The following FBXL17 variants were observed in gnomAD, a reference collection of about 807,000 sequenced individuals.
FBXL17 encodes the protein F-box/LRR-repeat protein 17.
In FBXL17, 22 loss-of-function variants were observed where a neutral mutation model predicts 66.2. The observed-to-expected ratio is 0.33, with a 90% confidence interval of 0.24 to 0.47. The LOEUF (loss-of-function observed/expected upper bound fraction) is 0.47. FBXL17 is among the 20% of genes least tolerant of loss of function. FBXL17 has a pLI of 1.00. For synonymous variants in FBXL17, 474 were observed against 400.5 expected, an observed-to-expected ratio of 1.18 and a Z score of -2.19; for missense variants, 878 against 948.2, an observed-to-expected ratio of 0.93 and a Z score of 0.97.
chr5:108,312,854 T>C (rs1250876116), intron 4 of FBXL17, among the ~76,000 whole-genome samples: 1 of 152,136 alleles, frequency 6.6e-6, no homozygotes, highest in Non-Finnish European at 1.5e-5. Flanking sequence ...ATCAGCATAA[T>C]CATTTCAGCA....
intron 6 of FBXL17, among the ~76,000 whole-genome samples, chr5:108,075,545 T>C (rs1748510168): frequency 6.6e-6 from 1 of 152,176 alleles, no homozygotes; most frequent in South Asian, 2.1e-4. Flanking sequence ...GGCTTGATCT[T>C]GGCTCACTCA....
At chr5:107,960,294 C>T (rs1440916176) in intron 7 of FBXL17, among the ~76,000 whole-genome samples, 2 of 151,960 alleles carry the variant, frequency 1.3e-5, no homozygotes, top group Non-Finnish European at 2.9e-5. Flanking sequence ...GGAATAATAA[C>T]TTCATATATC....
At chr5:107,928,668 G>A (rs1750620832) in intron 7 of FBXL17, among the ~76,000 whole-genome samples, 1 of 152,076 alleles carries the variant, frequency 6.6e-6, no homozygotes, top group Non-Finnish European at 1.5e-5. Flanking sequence ...AGAGCTTGAT[G>A]AGAAAGAGGT....
intron 6 of FBXL17, among the ~76,000 whole-genome samples, chr5:108,024,475 T>C (rs1488962184): frequency 1.3e-5 from 2 of 152,154 alleles, no homozygotes; most frequent in East Asian, 3.8e-4. Context: ...GATAACTCCA[T>C]ATGAAAAAGT....
intron 5 of FBXL17, among the ~76,000 whole-genome samples, chr5:108,196,992 G>T (rs141752544): frequency 1.4e-3 from 210 of 152,248 alleles, no homozygotes; most frequent in African/African-American, 4.9e-3. Flanking sequence ...ATGTGAATTT[G>T]TTAATTGGAT....
intron 5 of FBXL17, among the ~76,000 whole-genome samples, chr5:108,194,386 T>C (rs909271052): frequency 5.9e-5 from 9 of 151,976 alleles, no homozygotes; most frequent in African/African-American, 2.2e-4. Context: ...AAAAAAAAAG[T>C]CTTCGAAATA....
intron 8 of FBXL17, among the ~76,000 whole-genome samples, chr5:107,871,418 A>T (rs1748449840): frequency 6.6e-6 from 1 of 152,222 alleles, no homozygotes; most frequent in Admixed American, 6.5e-5. Flanking sequence ...TGAAGCCTCT[A>T]ATTAAAGATT....
intron 7 of FBXL17, among the ~76,000 whole-genome samples, chr5:107,982,406 G>C (rs1752862127): frequency 6.6e-6 from 1 of 151,878 alleles, no homozygotes; most frequent in African/African-American, 2.4e-5. Context: ...ACAGAACTAT[G>C]AAGTGAGTAC....
intron 4 of FBXL17, among the ~76,000 whole-genome samples, chr5:108,309,372 C>T (rs540754272): frequency 3.9e-5 from 6 of 151,982 alleles, no homozygotes; most frequent in African/African-American, 1.4e-4. Flanking sequence ...TAAAAGTACA[C>T]TTTTAAAAAC....
At chr5:108,144,174 C>T (rs1301638527) in intron 6 of FBXL17, among the ~76,000 whole-genome samples, 1 of 152,088 alleles carries the variant, frequency 6.6e-6, no homozygotes, top group East Asian at 1.9e-4. Flanking sequence ...TCTATTTGAA[C>T]CATTTCTCAA....
chr5:108,206,413 A>G (rs1754120786), intron 5 of FBXL17, among the ~76,000 whole-genome samples: 1 of 152,170 alleles, frequency 6.6e-6, no homozygotes, highest in African/African-American at 2.4e-5. Context: ...CTGCACATAC[A>G]TATTTAAAAT....
intron 7 of FBXL17, among the ~76,000 whole-genome samples, chr5:107,952,684 A>T (rs1751534843): frequency 6.6e-6 from 1 of 152,226 alleles, no homozygotes; most frequent in African/African-American, 2.4e-5. Flanking sequence ...GACCTGGAGT[A>T]AGTAATCAGA....
intron 1 of FBXL17, among the ~76,000 whole-genome samples, chr5:108,377,501 T>G (rs1181897660): frequency 1.3e-5 from 2 of 152,258 alleles, no homozygotes; most frequent in East Asian, 3.8e-4. Context: ...AAACTACAAT[T>G]CTTGCCAAAA....
At chr5:108,087,176 T>G (rs191489352) in intron 6 of FBXL17, among the ~76,000 whole-genome samples, 50 of 152,324 alleles carry the variant, frequency 3.3e-4, no homozygotes, top group African/African-American at 9.9e-4. Context: ...TATCAAGGCC[T>G]TGACTTGGTA....
intron 6 of FBXL17, among the ~76,000 whole-genome samples, chr5:108,152,764 T>C (rs1437972067): frequency 6.6e-6 from 1 of 152,202 alleles, no homozygotes; most frequent in Non-Finnish European, 1.5e-5. Context: ...CTGGAAGTGA[T>C]ACAGGATTAC....
At chr5:108,087,705 A>G (rs17442211) in intron 6 of FBXL17, among the ~76,000 whole-genome samples, 18,275 of 150,738 alleles carry the variant, frequency 0.12, 1,355 homozygotes, top group East Asian at 0.17. Context: ...ACATAAGCAG[A>G]AAAAAAAAGC....
chr5:107,883,472 G>C (rs892537741), intron 7 of FBXL17, among the ~76,000 whole-genome samples: 1 of 152,000 alleles, frequency 6.6e-6, no homozygotes, highest in African/African-American at 2.4e-5. Context: ...GTGGAGGTGG[G>C]GGGTGGGTGC....
At chr5:108,369,608 T>C (rs1429675651) in intron 1 of FBXL17, among the ~76,000 whole-genome samples, 1 of 151,366 alleles carries the variant, frequency 6.6e-6, no homozygotes, top group Non-Finnish European at 1.5e-5. Flanking sequence ...ATTTTAAATA[T>C]ATAATATAAA....
chr5:108,160,769 T>C (rs1208953858), intron 6 of FBXL17, among the ~76,000 whole-genome samples: 1 of 152,120 alleles, frequency 6.6e-6, no homozygotes, highest in Non-Finnish European at 1.5e-5. Flanking sequence ...GATCTAAAAA[T>C]AATAATGATT....
Sources: gnomAD v4.1 joint callset for allele counts (sites outside exome capture counted in the v4.1 genomes callset) on GRCh38, gnomAD v4.1.1 for gene constraint, MANE v1.5 for transcripts, NCBI Gene and HGNC (gene_info 2026-07-23, HGNC 2026-07-21) for gene names.